Variants in TADA2A observed in about 807,000 individuals in gnomAD.
TADA2A encodes the protein transcriptional adapter 2-alpha.
Under a neutral mutation model 67.4 loss-of-function variants are expected in TADA2A, and 38 were observed. The ratio of observed to expected loss-of-function variants is 0.56; its 90% CI spans 0.44 to 0.74. TADA2A has a LOEUF of 0.74. TADA2A is among the 30% of genes least tolerant of loss of function. The pLI is 0.00. For synonymous variants in TADA2A, 192 were observed against 181.6 expected, an observed-to-expected ratio of 1.06 and a Z score of -0.46; for missense variants, 454 against 547.0, an observed-to-expected ratio of 0.83 and a Z score of 1.70.
At chr17:37,453,840 G>A (rs753917987) in intron 8 of TADA2A, among the ~76,000 whole-genome samples, 7 of 137,202 alleles carry the variant, frequency 5.1e-5, no homozygotes, top group East Asian at 4.3e-4. Flanking sequence ...GTGTGATCTC[G>A]GCTCACTGCA....
intron 2 of TADA2A, 23 bp from the exon 3 acceptor site, chr17:37,423,486 C>G (rs767772433): frequency 6.4e-7 from 1 of 1,562,238 alleles, no homozygotes; most frequent in Non-Finnish European, 8.7e-7. Context: ...CTGAAATGTG[C>G]ATTTGTTTTC....
intron 9 of TADA2A, 50 bp downstream of exon 9, chr17:37,458,637 T>TTTTTTGTGTG: frequency 1.1e-6 from 1 of 922,824 alleles, no homozygotes; most frequent in South Asian, 2.0e-5. Flanking sequence ...GATTATTGTT[T>TTTTTTGTGTG]TGTGTGTGTG....
rs750929132 is a variant in TADA2A at position 37,477,254 on chromosome 17, A to G, written c.*272A>G. ...TTCATTCCTAACACCTCTTGTAACT[A>G]AAAGAACCATAGTACCTCACATCAC... is the stretch of plus-strand genomic sequence containing the variant. On this transcript the variant is annotated 3_prime_UTR_variant, in exon 16 of 16. Transcript: ENST00000615182. 2.7e-6 allele frequency: 1 copy of G among 363,936 alleles called. No individual in the cohort carries two copies. Among genetic ancestry groups the G allele is most frequent in the Non-Finnish European group, 5.0e-6 (1 of 202,012 alleles). The allele number at this position is 363,936 out of a possible 1,614,324, so 22.5% of individuals were successfully genotyped here.
At chr17:37,426,718 A>C (rs2147934347) in intron 3 of TADA2A, 2 of 328,784 alleles carry the variant, frequency 6.1e-6, no homozygotes, top group East Asian at 5.1e-5. Flanking sequence ...GGTGGCCCAC[A>C]CCTGTAATCT....
intron 7 of TADA2A, 134 bp downstream of exon 7, chr17:37,442,786 G>T: frequency 1.4e-6 from 1 of 702,488 alleles, no homozygotes; most frequent in Non-Finnish European, 2.2e-6. Flanking sequence ...GGACCTTTAG[G>T]CAGCCACATT....
At chr17:37,462,264 G>T in intron 10 of TADA2A, 143 bp downstream of exon 10, 1 of 579,628 alleles carries the variant, frequency 1.7e-6, no homozygotes, top group Non-Finnish European at 3.0e-6. Context: ...AGAATCTCTG[G>T]GGTTGGAGGC....
At chr17:37,417,346 A>T (rs1455033541) in intron 2 of TADA2A, among the ~76,000 whole-genome samples, 1 of 151,096 alleles carries the variant, frequency 6.6e-6, no homozygotes, top group Non-Finnish European at 1.5e-5. Flanking sequence ...ACTGCACTAC[A>T]GCCTGGGCAA....
chr17:37,435,422 G>T (rs1194354965), intron 4 of TADA2A, among the ~76,000 whole-genome samples: 1 of 152,046 alleles, frequency 6.6e-6, no homozygotes, highest in East Asian at 1.9e-4. Context: ...CCGAGCAGCT[G>T]GGACTACAGG....
chr17:37,418,721 A>T, intron 2 of TADA2A, among the ~76,000 whole-genome samples: 1 of 150,608 alleles, frequency 6.6e-6, no homozygotes, highest in East Asian at 2.0e-4. Context: ...CCTCCTGAGT[A>T]GCTGGGATTA....
chr17:37,430,177 A>G (rs1374912683), intron 4 of TADA2A, among the ~76,000 whole-genome samples: 3 of 152,206 alleles, frequency 2.0e-5, no homozygotes, highest in Non-Finnish European at 4.4e-5. Flanking sequence ...AGCACTGACT[A>G]AGTTTCACTC....
At chr17:37,463,699 G>A (rs899403006) in intron 10 of TADA2A, among the ~76,000 whole-genome samples, 3 of 151,662 alleles carry the variant, frequency 2.0e-5, no homozygotes, top group Non-Finnish European at 2.9e-5. Flanking sequence ...TGTCCAGGCT[G>A]GAGTGCAGTG....
intron 8 of TADA2A, chr17:37,454,758 G>T: frequency 3.2e-6 from 1 of 313,408 alleles, no homozygotes; most frequent in South Asian, 3.7e-5. Flanking sequence ...GTGGCCAAGA[G>T]GAATGAGAAA....
chr17:37,441,023 A>G (rs1228543405), intron 6 of TADA2A, among the ~76,000 whole-genome samples: 1 of 151,600 alleles, frequency 6.6e-6, no homozygotes, highest in Non-Finnish European at 1.5e-5. Flanking sequence ...TGAACCGGGT[A>G]GGCGGAGATT....
intron 4 of TADA2A, among the ~76,000 whole-genome samples, chr17:37,431,817 C>T (rs773607378): frequency 2.0e-5 from 3 of 152,016 alleles, no homozygotes; most frequent in Non-Finnish European, 4.4e-5. Context: ...CTGCCCACCT[C>T]GGCCACCCAA....
At chr17:37,412,733 A>G (rs895762332) in intron 2 of TADA2A, among the ~76,000 whole-genome samples, 1 of 151,916 alleles carries the variant, frequency 6.6e-6, no homozygotes, top group Non-Finnish European at 1.5e-5. Flanking sequence ...CAGTAAACCA[A>G]GATCATGCCA....
intron 2 of TADA2A, among the ~76,000 whole-genome samples, chr17:37,416,487 T>C (rs2052051034): frequency 6.6e-6 from 1 of 152,116 alleles, no homozygotes; most frequent in Non-Finnish European, 1.5e-5. Flanking sequence ...TTCCTTATGG[T>C]GTTTTTGCCA....
In TADA2A at chr17:37,426,117, G is replaced by A. The variant is rs556370189; in HGVS notation, c.133-833G>A. ...GCCTGCCCTGAGTAACTAGGTCTAT[G>A]GGCACAAGCCACAATGCCCAGCCCA... On this transcript the variant is annotated intron_variant, in intron 3 of 15. Coordinates refer to ENST00000615182, the MANE Select transcript of TADA2A (RefSeq NM_001166105.3). 2.0e-3 allele frequency among the ~76,000 whole-genome samples: 298 copies of A among 152,016 alleles called. 1 individual carries two copies. The highest frequency in any genetic ancestry group is 6.9e-3 in the African/African-American group (286 of 41,480).
At chr17:37,409,124 C>T (rs11263748) in intron 1 of TADA2A, among the ~76,000 whole-genome samples, 19,274 of 152,138 alleles carry the variant, frequency 0.13, 1,421 homozygotes, top group East Asian at 0.25. Flanking sequence ...CTTGCACTGT[C>T]GCCCAGGCTG....
intron 8 of TADA2A, among the ~76,000 whole-genome samples, chr17:37,451,989 A>G (rs934537676): frequency 3.9e-5 from 6 of 152,086 alleles, no homozygotes; most frequent in African/African-American, 1.4e-4. Context: ...TCTCAAAAAT[A>G]AAAAATAAAT....
Sources: gnomAD v4.1 joint callset for allele counts (sites outside exome capture counted in the v4.1 genomes callset) on GRCh38, gnomAD v4.1.1 for gene constraint, MANE v1.5 for transcripts, NCBI Gene and HGNC (gene_info 2026-07-23, HGNC 2026-07-21) for gene names.